RNF135: variants seen among roughly 807,000 people sequenced by gnomAD.
The protein encoded by RNF135 is ring finger protein 135.
RNF135 carries 46 observed loss-of-function variants against 41.9 expected under a neutral mutation model. The ratio of observed to expected loss-of-function variants is 1.10; its 90% CI spans 0.87 to 1.40. RNF135 has a LOEUF of 1.40. RNF135 is among the 40% of genes most tolerant of loss of function. The pLI is 0.00. For synonymous variants in RNF135, 238 were observed against 223.8 expected, an observed-to-expected ratio of 1.06 and a Z score of -0.57; for missense variants, 539 against 549.8, an observed-to-expected ratio of 0.98 and a Z score of 0.20.
chr17:30,982,259 C>T (rs1162097521), intron 1 of RNF135, among the ~76,000 whole-genome samples: 2 of 152,214 alleles, frequency 1.3e-5, no homozygotes, highest in East Asian at 3.8e-4. Flanking sequence ...CACTTCAGCC[C>T]ACAGTGGAGA....
chr17:30,996,702 C>T (rs115745657), intron 3 of RNF135, among the ~76,000 whole-genome samples: 128 of 152,286 alleles, frequency 8.4e-4, no homozygotes, highest in African/African-American at 2.7e-3. Flanking sequence ...ATCTGCCTGA[C>T]GTGGTCATTG....
chr17:30,972,815 T>C (rs1418664751), intron 1 of RNF135: 1 of 152,230 alleles, frequency 6.6e-6, no homozygotes, highest in Non-Finnish European at 1.5e-5. Flanking sequence ...CTTGCTCTGT[T>C]GCCAGGCTGG....
At chr17:30,973,160 T>C (rs544971449) in intron 1 of RNF135, 61 of 152,354 alleles carry the variant, frequency 4.0e-4, no homozygotes, top group African/African-American at 1.4e-3. Flanking sequence ...TAGATCTTCA[T>C]TGCAGAAATG....
intron 2 of RNF135, among the ~76,000 whole-genome samples, chr17:30,986,755 A>C (rs1335169786): frequency 1.3e-5 from 2 of 152,218 alleles, no homozygotes; most frequent in Non-Finnish European, 2.9e-5. Context: ...ATAATGATAC[A>C]GGGCCTGCCA....
chr17:30,970,566 C>G (rs1567734078), upstream of RNF135: 1 of 156,194 alleles, frequency 6.4e-6, no homozygotes, highest in Admixed American at 6.5e-5. Flanking sequence ...TTTTTGAGGA[C>G]GCTCCCTGTG....
rs559978990 is a variant in RNF135, at chr17:30,975,810, A to G, written c.372+4365A>G. On this transcript the variant is annotated intron_variant, in intron 1 of 4. Transcript: ENST00000328381. ...TACCCCAACATCAAGGTCCCTGCAG[A>G]TGACTTCGTTGGCCACAGAATAGTC... The G allele has an allele frequency of 1.1e-4, 113 of 1,010,724 alleles. 1 individual carries two copies. The Middle Eastern group carries it at 1.3e-3, about 11-fold the overall frequency. 62.6% of individuals were successfully genotyped at this position (1,010,724 alleles called of 1,614,324 possible).
intron 1 of RNF135, chr17:30,978,706 A>C (rs1312177768): frequency 1.3e-4 from 19 of 141,148 alleles, no homozygotes; most frequent in East Asian, 2.0e-4. Flanking sequence ...GTCAGCAGAT[A>C]AACAAGTGAA....
In RNF135 at chr17:30,998,910, C is replaced by T. The variant is rs775652525; in HGVS notation, c.1018C>T (p.Leu340=). The T allele has an allele frequency of 1.9e-6, 3 of 1,612,140 alleles. No individual in the cohort carries two copies. In the African/African-American group the frequency reaches 4.0e-5, roughly 22 times the overall value. Residue 340 remains leucine, a synonymous_variant, in exon 5 of 5, where the codon CTG becomes TTG. Transcript: ENST00000328381. ...ASWEMSRDQV[L]GRTMDSCCVE... ...CTGGGAGATGAGCCGCGACCAGGTC[C>T]TGGGAAGGACTATGGACTCTTGTTG...
At chr17:30,959,021 T>G in the RNF135 span, 2 of 152,140 alleles carry the variant, frequency 1.3e-5, no homozygotes, top group African/African-American at 4.8e-5. Flanking sequence ...CCTCTCTATC[T>G]CCTCTGGCTC....
At chr17:30,974,030 C>G (rs563629964) in intron 1 of RNF135, among the ~76,000 whole-genome samples, 1 of 151,974 alleles carries the variant, frequency 6.6e-6, no homozygotes, top group South Asian at 2.1e-4. Flanking sequence ...GAGATGAAAC[C>G]CCATCTCTAG....
chr17:30,982,601 A>T (rs1342160176), intron 1 of RNF135, among the ~76,000 whole-genome samples: 1 of 152,088 alleles, frequency 6.6e-6, no homozygotes, highest in African/African-American at 2.4e-5. Flanking sequence ...TTTGGTTCTT[A>T]TGAAGGTGCT....
chr17:30,992,185 G>A (rs1249726023), intron 3 of RNF135, among the ~76,000 whole-genome samples: 2 of 151,930 alleles, frequency 1.3e-5, no homozygotes, highest in Non-Finnish European at 2.9e-5. Flanking sequence ...ACCTGCCTTG[G>A]CTTCCCAATC....
At chr17:30,960,803 A>T in the RNF135 span, among the ~76,000 whole-genome samples, 2 of 149,084 alleles carry the variant, frequency 1.3e-5, no homozygotes, top group Non-Finnish European at 3.0e-5. Flanking sequence ...GCAGTGGCGC[A>T]ATCTCGGCTC....
upstream of RNF135, among the ~76,000 whole-genome samples, chr17:30,969,892 G>A (rs529364868): frequency 8.8e-4 from 133 of 151,326 alleles, no homozygotes; most frequent in Non-Finnish European, 1.4e-3. Flanking sequence ...AGCCTCCCAA[G>A]TAGCTGGGAT....
At chr17:30,969,645 C>A (rs540603363), upstream of RNF135, among the ~76,000 whole-genome samples, 4 of 152,280 alleles carry the variant, frequency 2.6e-5, no homozygotes, top group African/African-American at 9.6e-5. Context: ...TACCATGTGC[C>A]CAGAAAGGGA....
intron 1 of RNF135, chr17:30,975,468 TG>T (rs1484741233): frequency 2.6e-6 from 2 of 776,778 alleles, no homozygotes; most frequent in Non-Finnish European, 4.8e-6. Flanking sequence ...GAGAAGCAAC[TG>T]GAAGATCTGA....
At chr17:30,965,469 G>A in the RNF135 span, 1 of 152,124 alleles carries the variant, frequency 6.6e-6, no homozygotes, top group Admixed American at 6.5e-5. Context: ...TGACAATGGT[G>A]TATTAAAATA....
At chr17:30,970,970 C>G, upstream of RNF135, 1 of 1,475,512 alleles carries the variant, frequency 6.8e-7, no homozygotes. Flanking sequence ...GAAAAGGCGG[C>G]CGAGAAAAGG....
upstream of RNF135, among the ~76,000 whole-genome samples, chr17:30,969,985 C>A (rs1905760247): frequency 6.6e-6 from 1 of 151,934 alleles, no homozygotes; most frequent in Non-Finnish European, 1.5e-5. Flanking sequence ...CCATGTTGGC[C>A]AGGCTGGTCT....
Sources: allele counts gnomAD v4.1 joint callset (sites outside exome capture counted in the v4.1 genomes callset), GRCh38; gene constraint gnomAD v4.1.1; transcripts MANE v1.5; gene names NCBI Gene and HGNC (gene_info 2026-07-23, HGNC 2026-07-21).